The following CEP20 variants were observed in gnomAD, a reference collection of about 807,000 sequenced individuals.
CEP20 encodes centrosomal protein 20.
CEP20 carries 18 observed loss-of-function variants against 20.0 expected under a neutral mutation model. The ratio of observed to expected loss-of-function variants is 0.90; its 90% confidence interval spans 0.62 to 1.34. CEP20 has a LOEUF of 1.34. Among genes scored for constraint, CEP20 ranks in the 40% most tolerant of loss-of-function variants. The pLI, the probability that CEP20 is intolerant of heterozygous loss-of-function variation, is 0.00. For synonymous variants in CEP20, 77 were observed against 73.7 expected (o/e 1.04, Z -0.23); for missense variants, 215 against 201.6 (o/e 1.07, Z -0.40).
At chr16:15,871,529 T>C (rs888027048) in intron 4 of CEP20, among the ~76,000 whole-genome samples, 1 of 152,208 alleles carries the variant, frequency 6.6e-6, no homozygotes, top group African/African-American at 2.4e-5. Context: ...GTCAGTTCCT[T>C]ACCAATCCCT....
Position 15,888,569 on chromosome 16 carries a change from T to C in CEP20, c.17A>G (p.Glu6Gly), listed in dbSNP as rs377297363. MATVA[E>G]LKAVLKDTLE... The stretch of plus-strand genomic sequence containing the variant: ...CTGCTCGCACTCACCAGCCTTCAAC[T>C]CTGCCACAGTCGCCATTTTTCAACG... Residue 6 changes from glutamate to glycine, a missense_variant, in exon 1 of 5, where the codon GAG becomes GGG. By Grantham distance (98) the Glu-to-Gly change is moderately conservative. Transcript: ENST00000255759. 43 of 1,614,126 alleles carry C rather than the reference T, an allele frequency of 2.7e-5. 1 individual carries two copies. In the East Asian group the frequency reaches 4.9e-4, roughly 18 times the overall value.
intron 3 of CEP20, 81 bp downstream of exon 3, chr16:15,879,723 G>T (rs2151427905): frequency 2.5e-6 from 2 of 784,698 alleles, no homozygotes; most frequent in Non-Finnish European, 4.1e-6. Flanking sequence ...ATAAATACTT[G>T]AATTAAAATG....
intron 4 of CEP20, among the ~76,000 whole-genome samples, chr16:15,870,533 T>A (rs759463676): frequency 2.6e-5 from 4 of 152,090 alleles, no homozygotes; most frequent in Non-Finnish European, 5.9e-5. Flanking sequence ...AATACTGTAA[T>A]GTGTGGACAA....
intron 4 of CEP20, among the ~76,000 whole-genome samples, chr16:15,869,908 A>G (rs1880583320): frequency 6.6e-6 from 1 of 152,176 alleles, no homozygotes; most frequent in Admixed American, 6.5e-5. Flanking sequence ...TTGCAAAATC[A>G]CTGTTCTTCC....
intron 4 of CEP20, among the ~76,000 whole-genome samples, chr16:15,872,177 G>C (rs928902766): frequency 5.3e-5 from 8 of 152,060 alleles, no homozygotes; most frequent in Admixed American, 5.2e-4. Flanking sequence ...AGCCGAGTGT[G>C]GTGATGGGCG....
At chr16:15,887,398 G>T (rs2045270851) in intron 1 of CEP20, among the ~76,000 whole-genome samples, 1 of 152,124 alleles carries the variant, frequency 6.6e-6, no homozygotes, top group Non-Finnish European at 1.5e-5. Context: ...AGAATTACTA[G>T]TTTAAACCCT....
chr16:15,884,342 A>G (rs922790152), intron 1 of CEP20, 137 bp from the exon 2 acceptor site: 1 of 710,860 alleles, frequency 1.4e-6, no homozygotes, highest in South Asian at 2.1e-5. Context: ...CATTGTGACA[A>G]ATTATTAAAC....
intron 1 of CEP20, among the ~76,000 whole-genome samples, chr16:15,884,803 CA>C (rs1191908194): frequency 2.6e-5 from 4 of 152,038 alleles, no homozygotes; most frequent in Non-Finnish European, 5.9e-5. Flanking sequence ...CGTGCCCGGC[CA>C]ATACATAATT....
At chr16:15,877,607 A>G (rs1157008858) in intron 3 of CEP20, among the ~76,000 whole-genome samples, 1 of 152,182 alleles carries the variant, frequency 6.6e-6, no homozygotes, top group Non-Finnish European at 1.5e-5. Context: ...TTTCTAAAAA[A>G]AATACAAAAA....
chr16:15,884,317 A>G, intron 1 of CEP20, 112 bp from the exon 2 acceptor site: 3 of 895,710 alleles, frequency 3.3e-6, no homozygotes, highest in Non-Finnish European at 5.0e-6. Flanking sequence ...GCTCTCAAGC[A>G]GCTCTTAATC....
chr16:15,880,108 T>C lies in CEP20; in HGVS notation c.227-220A>G, dbSNP rs551362406. On this transcript the variant is annotated intron_variant, in intron 2 of 4. Transcript: ENST00000255759. ...TACAGTTTAACATAAATTCACTTTT[T>C]AAATTCCCCAGTGTTTGGTTGGAAA... Among the ~76,000 whole-genome samples the C allele has an allele frequency of 8.5e-5, 13 of 152,376 alleles. No individual in the cohort carries two copies. The South Asian group carries it at 2.3e-3, about 27-fold the overall frequency.
intron 2 of CEP20, among the ~76,000 whole-genome samples, chr16:15,880,136 T>C (rs762497123): frequency 4.9e-4 from 75 of 152,334 alleles, no homozygotes; most frequent in Middle Eastern, 3.4e-3. Context: ...GTTGGAAAAA[T>C]ACCATTTCTA....
chr16:15,883,454 G>T (rs890372079), intron 2 of CEP20, among the ~76,000 whole-genome samples: 8 of 152,032 alleles, frequency 5.3e-5, no homozygotes, highest in African/African-American at 1.7e-4. Context: ...AGAGCACATG[G>T]GCTCACATGA....
chr16:15,876,473 T>A (rs2044951614), intron 3 of CEP20, among the ~76,000 whole-genome samples: 1 of 147,810 alleles, frequency 6.8e-6, no homozygotes, highest in African/African-American at 2.5e-5. Flanking sequence ...AGACTCTGTC[T>A]CGAAAAAAAA....
At chr16:15,871,851 C>G (rs1241266346) in intron 4 of CEP20, among the ~76,000 whole-genome samples, 1 of 152,140 alleles carries the variant, frequency 6.6e-6, no homozygotes, top group Non-Finnish European at 1.5e-5. Context: ...CAAGAGACAC[C>G]AAGCATCTAA....
rs1200759523 is a variant in CEP20 at position 15,865,819 on chromosome 16, T to C, written c.*1621A>G. On this transcript the variant is annotated 3_prime_UTR_variant, in exon 5 of 5. Transcript: ENST00000255759. Reference sequence around the variant, plus strand: ...TAATGCATATAAAAGCGCTATGGACTACACGTGACAATTCTGCTTAACTTC... The same window carrying C: ...TAATGCATATAAAAGCGCTATGGACCACACGTGACAATTCTGCTTAACTTC... The C allele has an allele frequency of 6.6e-6, 1 of 152,218 alleles. No individual in the cohort carries two copies. The highest frequency in any genetic ancestry group is 1.5e-5 in the Non-Finnish European group (1 of 68,032). The allele number at this position is 152,218 out of a possible 1,614,324, so 9.4% of individuals were successfully genotyped here.
rs1016989586 is a variant in CEP20, at chr16:15,874,341, C to T, written c.312-714G>A. ...TCTTTATAGTTTACAGAACGTATACCTCTTCTCATCTAATCCTCATCGTGT... is the reference window on the plus strand; with the variant it reads ...TCTTTATAGTTTACAGAACGTATACTTCTTCTCATCTAATCCTCATCGTGT... On this transcript the variant is annotated intron_variant, in intron 3 of 4. Transcript: ENST00000255759. Among the ~76,000 whole-genome samples, 7 of 152,146 alleles carry T rather than the reference C, an allele frequency of 4.6e-5. No homozygotes were observed. The South Asian group carries it at 1.0e-3, about 23-fold the overall frequency.
chr16:15,880,166 A>C (rs1476784935), intron 2 of CEP20, among the ~76,000 whole-genome samples: 1 of 152,216 alleles, frequency 6.6e-6, no homozygotes, highest in South Asian at 2.1e-4. Context: ...TATAATACTA[A>C]ATTTTGGAAG....
In CEP20 at chr16:15,867,161, T is replaced by G. The variant is rs2044700114; in HGVS notation, c.*279A>C. The G allele has an allele frequency of 4.4e-6, 1 of 229,466 alleles. No homozygotes were observed. Among genetic ancestry groups the G allele is most frequent in the Non-Finnish European group, 8.6e-6 (1 of 116,714 alleles). 14.2% of individuals were successfully genotyped at this position (229,466 alleles called of 1,614,324 possible). ...AGGCAGAGATTGCAGTGAGCCGAGATCGTGCCACTGCACTCCAGTCTGGGT... is the reference window on the plus strand; with the variant it reads ...AGGCAGAGATTGCAGTGAGCCGAGAGCGTGCCACTGCACTCCAGTCTGGGT... On this transcript the variant is annotated 3_prime_UTR_variant, in exon 5 of 5. Coordinates refer to ENST00000255759, the MANE Select transcript of CEP20 (RefSeq NM_144600.4).
Sources: allele counts gnomAD v4.1 joint callset (sites outside exome capture counted in the v4.1 genomes callset), GRCh38; gene constraint gnomAD v4.1.1; transcripts MANE v1.5; gene names NCBI Gene and HGNC (gene_info 2026-07-23, HGNC 2026-07-21).